Variants in NOD2 observed in about 807,000 individuals in gnomAD.
The protein encoded by NOD2 is nucleotide binding oligomerization domain containing 2, also known as nucleotide-binding oligomerization domain-containing protein 2.
NOD2 carries 86 observed loss-of-function variants against 90.9 expected under a neutral mutation model. That is an observed-to-expected ratio of 0.95 (90% CI 0.79 to 1.13). The LOEUF (loss-of-function observed/expected upper bound fraction) is 1.13, where lower values mean the gene tolerates loss of function less well. Among genes scored for constraint, NOD2 ranks in the 50% most tolerant of loss-of-function variants. NOD2 has a pLI of 0.00. For missense variants in NOD2, 1,238 were observed against 1,283.8 expected, an observed-to-expected ratio of 0.96 and a Z score of 0.55; for synonymous variants, 581 against 554.6, an observed-to-expected ratio of 1.05 and a Z score of -0.67.
intron 6 of NOD2, among the ~76,000 whole-genome samples, chr16:50,718,677 C>G (rs1964909299): frequency 6.6e-6 from 1 of 152,176 alleles, no homozygotes; most frequent in Non-Finnish European, 1.5e-5. Flanking sequence ...CCTCCGTTTC[C>G]CCTTCTGTAG....
chr16:50,726,736 C>G (rs1419032835), intron 10 of NOD2, among the ~76,000 whole-genome samples: 1 of 152,188 alleles, frequency 6.6e-6, no homozygotes, highest in Non-Finnish European at 1.5e-5. Context: ...TTTTCAGCAT[C>G]CTAAACTATA....
At chr16:50,713,918 C>G (rs1964660254) in intron 4 of NOD2, among the ~76,000 whole-genome samples, 1 of 152,146 alleles carries the variant, frequency 6.6e-6, no homozygotes, top group African/African-American at 2.4e-5. Context: ...TCCCAGGAGC[C>G]AGGGACGGGT....
At chr16:50,702,335 G>T (rs924760011) in intron 2 of NOD2, among the ~76,000 whole-genome samples, 3 of 152,218 alleles carry the variant, frequency 2.0e-5, no homozygotes, top group African/African-American at 7.2e-5. Context: ...GGGTAGCAGG[G>T]ATGGGAGACA....
At chr16:50,719,030 T>A (rs1447940886) in intron 6 of NOD2, among the ~76,000 whole-genome samples, 2 of 152,112 alleles carry the variant, frequency 1.3e-5, no homozygotes, top group African/African-American at 4.8e-5. Context: ...CTAAGACATC[T>A]TGGCAAGGCT....
intron 7 of NOD2, among the ~76,000 whole-genome samples, chr16:50,721,537 G>A (rs1965062017): frequency 6.6e-6 from 1 of 151,806 alleles, no homozygotes; most frequent in African/African-American, 2.4e-5. Context: ...TGTCACCCAG[G>A]CTGGAGTGCA....
chr16:50,699,942 A>G lies in NOD2; in HGVS notation c.447A>G (p.Thr149=), dbSNP rs1335049949. Reference sequence around the variant, plus strand: ...ATGAAATCAGGTTGCCGATCTTCACACCGTCCCAGAGGGTGAGGCACTCCT... The same window carrying G: ...ATGAAATCAGGTTGCCGATCTTCACGCCGTCCCAGAGGGTGAGGCACTCCT... The part of the protein sequence containing the change: ...ECDEIRLPIF[T]PSQRARRLLD... The change falls in exon 2 of 12, where the codon ACA becomes ACG. Residue 149 remains threonine (T), a synonymous_variant. Transcript: ENST00000647318. 4 of 1,607,426 alleles carry G rather than the reference A, an allele frequency of 2.5e-6. No individual in the cohort carries two copies. Among genetic ancestry groups the G allele is most frequent in the African/African-American group, 1.3e-5 (1 of 74,920 alleles).
chr16:50,731,866 G>A lies in NOD2; in HGVS notation c.*47G>A. On this transcript the variant is annotated 3_prime_UTR_variant, in exon 12 of 12. Coordinates refer to ENST00000647318, the MANE Select transcript of NOD2 (RefSeq NM_001370466.1). ...CTCAGTTTGTTTGTGAGCAGGCTGT[G>A]AGTTTGGGCCCCAGAGGCTGGGTGA... 6.9e-7 allele frequency: 1 copy of A among 1,453,272 alleles called. No homozygotes were observed. The highest frequency in any genetic ancestry group is 9.7e-7 in the Non-Finnish European group (1 of 1,035,136). The allele number at this position is 1,453,272 out of a possible 1,614,324, so 90.0% of individuals were successfully genotyped here. A position where few individuals can be genotyped will look rare whatever the true frequency, so the allele number is the denominator to read the frequency against.
chr16:50,715,088 C>G (rs1488900662), intron 4 of NOD2, among the ~76,000 whole-genome samples: 2 of 152,132 alleles, frequency 1.3e-5, no homozygotes, highest in African/African-American at 2.4e-5. Context: ...CAGAAGTGGC[C>G]ATAAGAGGCC....
intron 10 of NOD2, chr16:50,727,639 A>T: frequency 3.0e-6 from 1 of 336,828 alleles, no homozygotes; most frequent in South Asian, 2.5e-5. Context: ...GCTAGAGGTC[A>T]GGTAAATATG....
intron 2 of NOD2, among the ~76,000 whole-genome samples, chr16:50,705,695 T>G (rs968394661): frequency 5.9e-5 from 9 of 152,304 alleles, no homozygotes; most frequent in Admixed American, 1.3e-4. Flanking sequence ...TCCAGAGCCC[T>G]TTACAGATCC....
At chr16:50,724,927 T>C (rs1861756) in intron 9 of NOD2, among the ~76,000 whole-genome samples, 143,721 of 152,298 alleles carry the variant, frequency 0.94, 67,949 homozygotes, top group East Asian at 1. Context: ...GTTCCATCAT[T>C]CTTAGCCTGT....
At position 50,719,830 on chromosome 16, in the gene NOD2, T is replaced by C. The variant is rs766209862; in HGVS notation, c.2550-95T>C. ...TGCTGCCTCCCGGGCAGGTCTTCAA[T>C]GCTTTCTTCCTGTGTTTCCCTGGCC... On this transcript the variant is annotated intron_variant, in intron 6 of 11. Transcript: ENST00000647318. 33 of 1,176,024 alleles carry C rather than the reference T, an allele frequency of 2.8e-5. 1 individual carries two copies. In the South Asian group the frequency reaches 4.0e-4, roughly 14 times the overall value. 72.8% of individuals were successfully genotyped at this position (1,176,024 alleles called of 1,614,324 possible).
In NOD2 at chr16:50,716,623, C is replaced by T. The variant is rs955192702; in HGVS notation, c.2418C>T (p.Cys806=). The T allele has an allele frequency of 3.1e-6, 5 of 1,614,210 alleles. No homozygotes were observed. The African/African-American group carries it at 4.0e-5, about 13-fold the overall frequency. The change falls in exon 5 of 12, where the codon TGC becomes TGT. Residue 806 remains cysteine (C), a synonymous_variant. Transcript: ENST00000647318. ...ACAATATCTCAGACCGAGGCATCTG[C>T]AAGCTCATTGAATGTGCTCTTCACT... ...RDNNISDRGI[C]KLIECALHCE...
At chr16:50,726,651 T>TA (rs887623970) in intron 10 of NOD2, among the ~76,000 whole-genome samples, 2 of 152,280 alleles carry the variant, frequency 1.3e-5, no homozygotes, top group African/African-American at 2.4e-5. Flanking sequence ...GTCACAGCCT[T>TA]ACTCCACTTG....
At chr16:50,697,225 C>A (rs1398150380) in intron 1 of NOD2, 5 of 1,552,558 alleles carry the variant, frequency 3.2e-6, no homozygotes, top group Admixed American at 2.0e-5. Context: ...TGCCTGCTCC[C>A]CCAGCCTAAT....
At chr16:50,715,610 G>T (rs1964755358) in intron 4 of NOD2, 1 of 152,176 alleles carries the variant, frequency 6.6e-6, no homozygotes, top group Admixed American at 6.5e-5. Flanking sequence ...TAGCGACAGG[G>T]TTTCACTGTG....
intron 1 of NOD2, chr16:50,697,534 T>G: frequency 1.6e-6 from 1 of 642,614 alleles, no homozygotes; most frequent in Non-Finnish European, 2.8e-6. Context: ...TTTCCACAGC[T>G]GAGAACCACT....
chr16:50,694,149 C>T (rs1389615071), intron 1 of NOD2, among the ~76,000 whole-genome samples: 1 of 152,174 alleles, frequency 6.6e-6, no homozygotes, highest in Non-Finnish European at 1.5e-5. Flanking sequence ...GAGCAGCCAT[C>T]TGGTCCTGCT....
intron 4 of NOD2, 139 bp from the exon 5 acceptor site, chr16:50,716,448 G>A: frequency 1.2e-6 from 1 of 812,224 alleles, no homozygotes. Flanking sequence ...CTTTTTTGGG[G>A]TGCTCCATCT....
Sources: gnomAD v4.1 joint callset for allele counts (sites outside exome capture counted in the v4.1 genomes callset) on GRCh38, gnomAD v4.1.1 for gene constraint, MANE v1.5 for transcripts, NCBI Gene and HGNC (gene_info 2026-07-23, HGNC 2026-07-21) for gene names.